ADAMTS17: variants seen among roughly 807,000 people sequenced by gnomAD.
The protein encoded by ADAMTS17 is ADAM metallopeptidase with thrombospondin type 1 motif 17, also known as A disintegrin and metalloproteinase with thrombospondin motifs 17.
A neutral mutation model predicts 141.5 loss-of-function variants in ADAMTS17; 113 were observed. The observed-to-expected ratio is 0.80, with a 90% confidence interval of 0.69 to 0.93. The LOEUF (loss-of-function observed/expected upper bound fraction) is 0.93, where lower values mean the gene tolerates loss of function less well. Ranked by LOEUF, ADAMTS17 falls within the 40% of genes least tolerant of loss-of-function variation. The probability of loss-of-function intolerance (pLI) is 0.00; values close to 1 mark genes in which losing one functional copy is unlikely to be tolerated. For missense variants in ADAMTS17, 1,659 were observed against 1,517.9 expected (o/e 1.09, Z -1.54); for synonymous variants, 768 against 630.6 (o/e 1.22, Z -3.27).
chr15:100,012,315 G>A (rs2141409703), intron 18 of ADAMTS17, among the ~76,000 whole-genome samples: 1 of 152,246 alleles, frequency 6.6e-6, no homozygotes, highest in South Asian at 2.1e-4. Flanking sequence ...ACATCGTGAA[G>A]ATTTTCTCCC....
At chr15:100,278,460 G>A (rs1461427761) in intron 4 of ADAMTS17, among the ~76,000 whole-genome samples, 5 of 152,312 alleles carry the variant, frequency 3.3e-5, no homozygotes, top group East Asian at 1.9e-4. Context: ...CTGAGGCCAC[G>A]TCGGAAAGCA....
At chr15:100,266,361 C>T (rs1347588075) in intron 4 of ADAMTS17, among the ~76,000 whole-genome samples, 2 of 152,232 alleles carry the variant, frequency 1.3e-5, no homozygotes, top group African/African-American at 4.8e-5. Flanking sequence ...TGCTGCTGGG[C>T]GCCTGGCCCG....
intron 6 of ADAMTS17, among the ~76,000 whole-genome samples, chr15:100,260,767 T>G (rs1307550849): frequency 6.6e-6 from 1 of 152,152 alleles, no homozygotes; most frequent in African/African-American, 2.4e-5. Context: ...GCACGCAATT[T>G]GGGAAGTAGT....
At chr15:99,991,752 G>C (rs1249492629) in intron 20 of ADAMTS17, among the ~76,000 whole-genome samples, 3 of 152,120 alleles carry the variant, frequency 2.0e-5, no homozygotes, top group African/African-American at 7.2e-5. Context: ...GTTGACAATA[G>C]CAAAGACTTG....
rs145312229 is a variant in ADAMTS17 at position 100,179,608 on chromosome 15, T to C, written c.1181+19710A>G. Reference sequence around the variant, plus strand: ...CAAAAATAGTTCTATTTTTAGTTTATTGAGGAACCTCCAAACTGTTCTCCA... The same window carrying C: ...CAAAAATAGTTCTATTTTTAGTTTACTGAGGAACCTCCAAACTGTTCTCCA... On this transcript the variant is annotated intron_variant, in intron 8 of 21. Transcript: ENST00000268070. Among the ~76,000 whole-genome samples the C allele has an allele frequency of 3.5e-4, 54 of 152,346 alleles. No homozygotes were observed. The East Asian group carries it at 8.1e-3, about 23-fold the overall frequency.
At chr15:100,120,882 C>T (rs2037419148) in intron 12 of ADAMTS17, among the ~76,000 whole-genome samples, 1 of 152,156 alleles carries the variant, frequency 6.6e-6, no homozygotes, top group African/African-American at 2.4e-5. Context: ...GGAGCCTGTC[C>T]CTGAGGAAAC....
chr15:100,185,418 GCCC>G (rs566784225), intron 8 of ADAMTS17, among the ~76,000 whole-genome samples: 16 of 152,106 alleles, frequency 1.1e-4, no homozygotes, highest in Non-Finnish European at 2.2e-4. Flanking sequence ...GGTCTCTTTT[GCCC>G]CCCATGTTGA....
Position 99,993,109 on chromosome 15 carries a change from G to A in ADAMTS17, c.2888C>T (p.Ala963Val). 1 of 1,614,108 alleles carries A rather than the reference G, an allele frequency of 6.2e-7. No individual in the cohort carries two copies. The highest frequency in any genetic ancestry group is 8.5e-7 in the Non-Finnish European group (1 of 1,180,034). ...GKCDASTRPR[A>V]EEACEDYSGC... is the part of the protein sequence containing the mutation. ...TGAGTAGTCCTCGCAGGCCTCCTCG[G>A]CTCTCGGCCTCGTGGATGCGTCGCA... The change falls in exon 20 of 22, where the codon GCC becomes GTC. Residue 963 changes from alanine (A) to valine (V), a missense_variant. Ala to Val is a moderately conservative substitution (Grantham distance 64). Transcript: ENST00000268070. This position sits in a 1 kb window ranked among gnomAD's most constrained non-coding sequence, Gnocchi z 4.3.
intron 15 of ADAMTS17, among the ~76,000 whole-genome samples, chr15:100,058,035 GC>G (rs1256535688): frequency 1.3e-5 from 2 of 151,862 alleles, no homozygotes; most frequent in African/African-American, 2.4e-5. Context: ...CTATAAATAG[GC>G]CCCAGATGTT....
Position 99,993,273 on chromosome 15 carries a change from C to T in ADAMTS17, c.2797-73G>A. ...GTCCATCAACAGCTATTAACTCCCT[C>T]CAATGTGCCAGGTGCGGTGTGGGGA... On this transcript the variant is annotated intron_variant, in intron 19 of 21. Coordinates refer to ENST00000268070, the MANE Select transcript of ADAMTS17 (RefSeq NM_139057.4). The surrounding 1 kb of genome is among the most constrained non-coding windows in gnomAD (Gnocchi z 4.3). The T allele has an allele frequency of 6.3e-7, 1 of 1,589,760 alleles. No individual in the cohort carries two copies. Among genetic ancestry groups the T allele is most frequent in the Non-Finnish European group, 8.6e-7 (1 of 1,161,148 alleles).
At chr15:100,264,336 A>G (rs1395370708) in intron 4 of ADAMTS17, among the ~76,000 whole-genome samples, 1 of 152,218 alleles carries the variant, frequency 6.6e-6, no homozygotes, top group Non-Finnish European at 1.5e-5. Flanking sequence ...TTTCCTTAAA[A>G]TATTCAGCAT....
chr15:100,281,440 A>G, intron 3 of ADAMTS17, 39 bp from the exon 4 acceptor site: 1 of 1,594,650 alleles, frequency 6.3e-7, no homozygotes, highest in Non-Finnish European at 8.5e-7. Flanking sequence ...TCCTTGGCTT[A>G]CTGACTTCCA....
intron 20 of ADAMTS17, among the ~76,000 whole-genome samples, chr15:99,985,840 G>A (rs772335525): frequency 2.2e-4 from 34 of 152,160 alleles, no homozygotes; most frequent in Non-Finnish European, 4.0e-4. Context: ...CAAATGTCAC[G>A]GGCCAATATC....
chr15:100,196,617 C>T (rs1026910152), intron 8 of ADAMTS17, among the ~76,000 whole-genome samples: 2 of 152,242 alleles, frequency 1.3e-5, no homozygotes, highest in Non-Finnish European at 2.9e-5. Context: ...GGTGGGTGAG[C>T]CACCTGGAGA....
intron 7 of ADAMTS17, among the ~76,000 whole-genome samples, chr15:100,201,066 C>T (rs889966960): frequency 3.3e-5 from 5 of 152,190 alleles, no homozygotes; most frequent in African/African-American, 1.2e-4. Flanking sequence ...CCTTCCTGCC[C>T]CCAAAGAGCT....
intron 7 of ADAMTS17, among the ~76,000 whole-genome samples, chr15:100,223,573 G>A (rs2042201613): frequency 6.6e-6 from 1 of 152,082 alleles, no homozygotes; most frequent in Non-Finnish European, 1.5e-5. Flanking sequence ...AAGAGGAGAT[G>A]AATGAGAATC....
intron 15 of ADAMTS17, among the ~76,000 whole-genome samples, chr15:100,058,017 A>G (rs2032740747): frequency 6.6e-6 from 1 of 151,986 alleles, no homozygotes; most frequent in African/African-American, 2.4e-5. Flanking sequence ...AATTACTATT[A>G]CAGCTTCCTA....
At chr15:100,031,511 G>T (rs1455390242) in intron 18 of ADAMTS17, among the ~76,000 whole-genome samples, 1 of 152,206 alleles carries the variant, frequency 6.6e-6, no homozygotes, top group Non-Finnish European at 1.5e-5. Context: ...GAGGGTGAAT[G>T]ATTTAACTAG....
chr15:100,281,081 C>G, intron 4 of ADAMTS17, 148 bp downstream of exon 4: 1 of 1,190,350 alleles, frequency 8.4e-7, no homozygotes. Context: ...TTGCCCTCCT[C>G]AATGCCCAGA....
Sources: allele counts gnomAD v4.1 joint callset (sites outside exome capture counted in the v4.1 genomes callset), GRCh38; gene constraint gnomAD v4.1.1; non-coding constraint Gnocchi (gnomAD v3.1); transcripts MANE v1.5; gene names NCBI Gene and HGNC (gene_info 2026-07-23, HGNC 2026-07-21).